The following NLGN4X variants were observed in gnomAD, a reference collection of about 807,000 sequenced individuals.
NLGN4X encodes neuroligin 4 X-linked, also known as neuroligin-4, X-linked.
NLGN4X carries 3 observed loss-of-function variants against 40.3 expected under a neutral mutation model. The observed-to-expected ratio is 0.07, with a 90% CI of 0.03 to 0.19. The LOEUF (loss-of-function observed/expected upper bound fraction) is 0.19. Among genes scored for constraint, NLGN4X ranks in the 10% least tolerant of loss-of-function variants. The pLI is 1.00. For synonymous variants in NLGN4X, 270 were observed against 306.8 expected, an observed-to-expected ratio of 0.88 and a Z score of 1.25; for missense variants, 382 against 708.3, an observed-to-expected ratio of 0.54 and a Z score of 5.23.
chrX:6,174,136 G>T (rs949583447), intron 1 of NLGN4X, among the ~76,000 whole-genome samples: 1 of 111,477 alleles, frequency 9.0e-6, no homozygotes, highest in African/African-American at 3.3e-5. Flanking sequence ...TCAAAAGAGG[G>T]CATATAAGCA....
At chrX:6,120,580 CA>C (rs1193692718) in intron 2 of NLGN4X, among the ~76,000 whole-genome samples, 3 of 111,990 alleles carry the variant, frequency 2.7e-5, no homozygotes, top group Non-Finnish European at 5.6e-5. Context: ...GTCTGCCCAT[CA>C]TATAACTGCA....
chrX:6,143,371 G>T (rs1602309770), intron 2 of NLGN4X, among the ~76,000 whole-genome samples: 1 of 112,343 alleles, frequency 8.9e-6, no homozygotes, highest in Non-Finnish European at 1.9e-5. Flanking sequence ...GCCCAGAAGA[G>T]ACCACAGCTT....
chrX:5,985,852 C>CAAACT (rs1457515267), intron 3 of NLGN4X, among the ~76,000 whole-genome samples: 1 of 111,301 alleles, frequency 9.0e-6, no homozygotes, highest in East Asian at 2.8e-4. Context: ...ATGTTAACGT[C>CAAACT]AAACTAAACA....
chrX:5,929,586 A>G (rs1429601350), intron 3 of NLGN4X, among the ~76,000 whole-genome samples: 1 of 112,566 alleles, frequency 8.9e-6, no homozygotes, highest in Non-Finnish European at 1.9e-5. Flanking sequence ...ACATGTGTGC[A>G]CACACACATA....
At chrX:6,102,659 C>CATACATAT (rs2038939151) in intron 2 of NLGN4X, among the ~76,000 whole-genome samples, 1 of 109,809 alleles carries the variant, frequency 9.1e-6, no homozygotes, top group East Asian at 2.8e-4. Flanking sequence ...TACATACATA[C>CATACATAT]ATACATACAT....
chrX:5,962,439 C>G (rs933897964), intron 3 of NLGN4X, among the ~76,000 whole-genome samples: 1 of 111,989 alleles, frequency 8.9e-6, no homozygotes, highest in Non-Finnish European at 1.9e-5. Context: ...CATACCAACA[C>G]TTTTGCAAAA....
intron 2 of NLGN4X, among the ~76,000 whole-genome samples, chrX:6,125,872 T>C (rs919292982): frequency 9.0e-6 from 1 of 111,362 alleles, no homozygotes; most frequent in African/African-American, 3.3e-5. Context: ...TCAAATTCAT[T>C]TATGAAGGTA....
chrX:6,103,748 T>C (rs781395061), intron 2 of NLGN4X, among the ~76,000 whole-genome samples: 1 of 111,919 alleles, frequency 8.9e-6, no homozygotes, highest in Non-Finnish European at 1.9e-5. Flanking sequence ...TGTCAACGCA[T>C]TGGTACTTAA....
chrX:5,909,802 C>A (rs1353505439), intron 3 of NLGN4X, among the ~76,000 whole-genome samples: 1 of 111,287 alleles, frequency 9.0e-6, no homozygotes, highest in Non-Finnish European at 1.9e-5. Flanking sequence ...AAGTTACAGA[C>A]TCCACTAGAT....
At chrX:6,116,916 T>C (rs752131573) in intron 2 of NLGN4X, among the ~76,000 whole-genome samples, 55 of 111,749 alleles carry the variant, frequency 4.9e-4, no homozygotes, top group Non-Finnish European at 8.8e-4. Context: ...TTTATGTGTG[T>C]GTTTAGTGTG....
At chrX:6,161,849 G>A (rs781296604) in intron 1 of NLGN4X, among the ~76,000 whole-genome samples, 9 of 110,813 alleles carry the variant, frequency 8.1e-5, no homozygotes, top group African/African-American at 2.9e-4. Flanking sequence ...GGTTTAAAGA[G>A]ATTTATATAG....
chrX:6,193,920 T>A (rs886153590), intron 1 of NLGN4X, among the ~76,000 whole-genome samples: 1 of 112,495 alleles, frequency 8.9e-6, no homozygotes, highest in African/African-American at 3.2e-5. Flanking sequence ...ATCAATCATT[T>A]AGAAATCACT....
chrX:6,135,480 G>A (rs1486041063), intron 2 of NLGN4X, among the ~76,000 whole-genome samples: 1 of 111,513 alleles, frequency 9.0e-6, no homozygotes, highest in East Asian at 2.8e-4. Context: ...TGTAATATAA[G>A]CAACAATGGA....
At chrX:5,971,661 A>G (rs6654802) in intron 3 of NLGN4X, among the ~76,000 whole-genome samples, 7,572 of 111,540 alleles carry the variant, frequency 0.068, 632 homozygotes, top group African/African-American at 0.23. Context: ...GAGATGACAC[A>G]TTTCTTTAAT....
At chrX:6,217,577 C>T (rs184182552) in intron 1 of NLGN4X, among the ~76,000 whole-genome samples, 2 of 111,549 alleles carry the variant, frequency 1.8e-5, no homozygotes, top group Middle Eastern at 4.7e-3. Context: ...AATATGGTAC[C>T]GTTTAATCTC....
At chrX:5,902,474 G>A (rs773684110) in intron 5 of NLGN4X, among the ~76,000 whole-genome samples, 11 of 109,347 alleles carry the variant, frequency 1.0e-4, no homozygotes, top group African/African-American at 3.3e-4. Context: ...CTATGATTGC[G>A]CCACTATACT....
At chrX:6,141,859 T>G (rs1322373299) in intron 2 of NLGN4X, among the ~76,000 whole-genome samples, 2 of 111,115 alleles carry the variant, frequency 1.8e-5, no homozygotes, top group Non-Finnish European at 3.8e-5. Flanking sequence ...TAATAAAAAT[T>G]AATAGCTTGG....
rs556076791 is a variant in NLGN4X at position 6,113,761 on chromosome X, A to G, written c.472+37234T>C. Reference sequence around the variant, plus strand: ...CTTAAGGACTGACTTATCCATCCATAACTGAGTGATTGCAGTCTGCAGAAT... The same window carrying G: ...CTTAAGGACTGACTTATCCATCCATGACTGAGTGATTGCAGTCTGCAGAAT... On this transcript the variant is annotated intron_variant, in intron 2 of 5. Transcript: ENST00000381095. Among the ~76,000 whole-genome samples the G allele has an allele frequency of 6.3e-5, 7 of 110,599 alleles. No homozygotes were observed. The South Asian group carries it at 2.7e-3, about 42-fold the overall frequency.
At chrX:6,027,233 A>G (rs1314140349) in intron 3 of NLGN4X, among the ~76,000 whole-genome samples, 2 of 112,158 alleles carry the variant, frequency 1.8e-5, no homozygotes, top group Non-Finnish European at 3.8e-5. Context: ...TTTGTAAAAC[A>G]TCAAGAAGCA....
Sources: gnomAD v4.1 joint callset for allele counts (sites outside exome capture counted in the v4.1 genomes callset) on GRCh38, gnomAD v4.1.1 for gene constraint, MANE v1.5 for transcripts, NCBI Gene and HGNC (gene_info 2026-07-23, HGNC 2026-07-21) for gene names.